Variants in RNGTT observed in about 807,000 individuals in gnomAD.
The protein encoded by RNGTT is RNA guanylyltransferase and 5'-phosphatase.
RNGTT carries 33 observed loss-of-function variants against 79.3 expected under a neutral mutation model. The ratio of observed to expected loss-of-function variants is 0.42; its 90% CI spans 0.32 to 0.56. The LOEUF is 0.56. Among genes scored for constraint, RNGTT ranks in the 20% least tolerant of loss-of-function variants. RNGTT has a pLI of 0.17. For missense variants in RNGTT, 497 were observed against 739.1 expected, an observed-to-expected ratio of 0.67 and a Z score of 3.80; for synonymous variants, 222 against 235.9, an observed-to-expected ratio of 0.94 and a Z score of 0.54.
chr6:88,631,240 C>T (rs1772871900), intron 14 of RNGTT, among the ~76,000 whole-genome samples: 2 of 152,200 alleles, frequency 1.3e-5, no homozygotes, highest in South Asian at 4.1e-4. Flanking sequence ...TACTATGTTG[C>T]TACATACAGC....
intron 5 of RNGTT, among the ~76,000 whole-genome samples, chr6:88,905,308 T>C (rs762099865): frequency 5.3e-5 from 8 of 152,164 alleles, no homozygotes; most frequent in East Asian, 1.9e-4. Context: ...TAAAAGCATA[T>C]TGATTTTACA....
intron 12 of RNGTT, among the ~76,000 whole-genome samples, chr6:88,796,828 A>G (rs1779617550): frequency 6.6e-6 from 1 of 152,156 alleles, no homozygotes; most frequent in Non-Finnish European, 1.5e-5. Context: ...TTTTAGTTCT[A>G]TTGTCTAATA....
At chr6:88,771,334 T>C (rs1420052087) in intron 12 of RNGTT, among the ~76,000 whole-genome samples, 2,187 of 104,522 alleles carry the variant, frequency 0.021, 78 homozygotes, top group Middle Eastern at 0.043. Context: ...TATATATATA[T>C]ATATATATAT....
chr6:88,797,494 T>C (rs1015500951), intron 12 of RNGTT, among the ~76,000 whole-genome samples: 1 of 152,092 alleles, frequency 6.6e-6, no homozygotes, highest in Non-Finnish European at 1.5e-5. Context: ...AAGAAAAGGC[T>C]ATGCAGCAGG....
chr6:88,689,594 C>CAAAA (rs71554788), intron 13 of RNGTT, among the ~76,000 whole-genome samples: 289 of 97,418 alleles, frequency 3.0e-3, no homozygotes, highest in Admixed American at 5.6e-3. Flanking sequence ...GACTCTGTCT[C>CAAAA]AAAAAAAAAA....
chr6:88,629,555 A>G (rs1350318297), intron 14 of RNGTT, among the ~76,000 whole-genome samples: 1 of 152,038 alleles, frequency 6.6e-6, no homozygotes, highest in Non-Finnish European at 1.5e-5. Context: ...TTTCTGTTCT[A>G]CAGTTGTTCC....
Position 88,661,814 on chromosome 6 carries a change from C to T in RNGTT, c.1506+16539G>A, listed in dbSNP as rs973718570. On this transcript the variant is annotated intron_variant, in intron 14 of 15. Transcript: ENST00000369485. Reference sequence around the variant, plus strand: ...AGAGGGAATCCTCCCTAAATCATTCCCTGAAACCATTATTGCCCTAATATT... The same window carrying T: ...AGAGGGAATCCTCCCTAAATCATTCTCTGAAACCATTATTGCCCTAATATT... Among the ~76,000 whole-genome samples, 4 of 152,184 alleles carry T rather than the reference C, an allele frequency of 2.6e-5. No individual in the cohort carries two copies. The South Asian group carries it at 6.2e-4, about 24-fold the overall frequency.
At chr6:88,678,032 C>T (rs1774944402) in intron 14 of RNGTT, 1 of 139,930 alleles carries the variant, frequency 7.1e-6, no homozygotes, top group Non-Finnish European at 1.4e-5. Context: ...GTCACCCAGG[C>T]TGGAGTACAG....
chr6:88,946,361 C>A (rs1188358878), intron 1 of RNGTT, among the ~76,000 whole-genome samples: 1 of 152,178 alleles, frequency 6.6e-6, no homozygotes, highest in African/African-American at 2.4e-5. Flanking sequence ...CTCCACTGAG[C>A]AGCCATTCCT....
chr6:88,627,444 T>C (rs1371819512), intron 14 of RNGTT, among the ~76,000 whole-genome samples: 1 of 152,110 alleles, frequency 6.6e-6, no homozygotes, highest in African/African-American at 2.4e-5. Flanking sequence ...CTTTTAGAAA[T>C]GTGTGCTGGT....
chr6:88,850,778 T>C (rs867685737), intron 9 of RNGTT, among the ~76,000 whole-genome samples: 1 of 152,104 alleles, frequency 6.6e-6, no homozygotes, highest in East Asian at 1.9e-4. Context: ...TCCAGCAGGA[T>C]AGTGGATAGG....
chr6:88,907,140 A>C (rs1038559895), intron 4 of RNGTT, among the ~76,000 whole-genome samples: 1 of 152,182 alleles, frequency 6.6e-6, no homozygotes, highest in Non-Finnish European at 1.5e-5. Context: ...AGGAAAGAAA[A>C]TTTATTTTCT....
chr6:88,762,761 G>A (rs9451076), intron 13 of RNGTT, among the ~76,000 whole-genome samples: 21,076 of 152,110 alleles, frequency 0.14, 1,598 homozygotes, highest in Middle Eastern at 0.24. Flanking sequence ...AGTCCCACAC[G>A]AGGTAGGCAC....
At chr6:88,832,572 A>G (rs539231584) in intron 11 of RNGTT, among the ~76,000 whole-genome samples, 1 of 152,378 alleles carries the variant, frequency 6.6e-6, no homozygotes, top group East Asian at 1.9e-4. Flanking sequence ...ATAAAAGCCA[A>G]AATTGACAAG....
At chr6:88,801,034 A>T (rs1051707752) in intron 12 of RNGTT, among the ~76,000 whole-genome samples, 3 of 152,204 alleles carry the variant, frequency 2.0e-5, no homozygotes, top group African/African-American at 7.2e-5. Context: ...AACTTACTTC[A>T]AATATATGAT....
At chr6:88,715,713 G>C (rs1209553569) in intron 13 of RNGTT, among the ~76,000 whole-genome samples, 1 of 152,066 alleles carries the variant, frequency 6.6e-6, no homozygotes, top group Non-Finnish European at 1.5e-5. Context: ...CAAGAAATGG[G>C]GAAAGGATTC....
intron 13 of RNGTT, among the ~76,000 whole-genome samples, chr6:88,701,611 T>C (rs1775949190): frequency 6.6e-6 from 1 of 152,118 alleles, no homozygotes; most frequent in South Asian, 2.1e-4. Context: ...CTCTCTGCTA[T>C]TAATTTAATT....
At chr6:88,856,182 C>T (rs1781839563) in intron 8 of RNGTT, among the ~76,000 whole-genome samples, 1 of 151,912 alleles carries the variant, frequency 6.6e-6, no homozygotes, top group Non-Finnish European at 1.5e-5. Flanking sequence ...AAACTTAATC[C>T]TGATATCTGT....
At chr6:88,784,676 A>C (rs1779171407) in intron 12 of RNGTT, among the ~76,000 whole-genome samples, 1 of 152,136 alleles carries the variant, frequency 6.6e-6, no homozygotes, top group South Asian at 2.1e-4. Flanking sequence ...CATAGACAAA[A>C]TGTGTGCTTT....
Sources: gnomAD v4.1 joint callset for allele counts (sites outside exome capture counted in the v4.1 genomes callset) on GRCh38, gnomAD v4.1.1 for gene constraint, MANE v1.5 for transcripts, NCBI Gene and HGNC (gene_info 2026-07-23, HGNC 2026-07-21) for gene names.